WDR7: variants seen among roughly 807,000 people sequenced by gnomAD.
The protein encoded by WDR7 is WD repeat domain 7.
WDR7 carries 46 observed loss-of-function variants against 169.4 expected under a neutral mutation model. The observed-to-expected ratio is 0.27, with a 90% CI of 0.21 to 0.35. The LOEUF (loss-of-function observed/expected upper bound fraction) is 0.35, where lower values mean the gene tolerates loss of function less well. Ranked by LOEUF, WDR7 falls within the 10% of genes least tolerant of loss-of-function variation. WDR7 has a pLI of 1.00. For missense variants in WDR7, 1,534 were observed against 1,859.3 expected, an observed-to-expected ratio of 0.83 and a Z score of 3.22; for synonymous variants, 612 against 666.8, an observed-to-expected ratio of 0.92 and a Z score of 1.27.
At chr18:56,729,481 A>G (rs936135632) in intron 13 of WDR7, among the ~76,000 whole-genome samples, 1 of 152,050 alleles carries the variant, frequency 6.6e-6, no homozygotes, top group Non-Finnish European at 1.5e-5. Context: ...ACTTTATACT[A>G]TGAATACTCT....
chr18:56,781,071 T>A (rs1014099618), intron 18 of WDR7, among the ~76,000 whole-genome samples: 4 of 152,234 alleles, frequency 2.6e-5, no homozygotes, highest in Non-Finnish European at 5.9e-5. Context: ...CGTATTTGTT[T>A]GTATAAATAG....
chr18:56,790,159 C>T (rs1373790843), intron 19 of WDR7, among the ~76,000 whole-genome samples: 1 of 152,172 alleles, frequency 6.6e-6, no homozygotes, highest in Non-Finnish European at 1.5e-5. Flanking sequence ...ACAAGTGTCT[C>T]GTAAGCTTTT....
intron 20 of WDR7, among the ~76,000 whole-genome samples, chr18:56,848,446 C>A (rs949037826): frequency 1.3e-5 from 2 of 152,014 alleles, no homozygotes; most frequent in Non-Finnish European, 2.9e-5. Context: ...AATGCTGGAA[C>A]GAGTTAAGAC....
At chr18:56,906,644 A>G (rs749443485) in intron 21 of WDR7, among the ~76,000 whole-genome samples, 1 of 151,400 alleles carries the variant, frequency 6.6e-6, no homozygotes, top group Non-Finnish European at 1.5e-5. Flanking sequence ...GCCAGCTTCA[A>G]GTGATTCTTC....
intron 25 of WDR7, among the ~76,000 whole-genome samples, chr18:56,957,691 C>T (rs141723250): frequency 6.6e-6 from 1 of 152,160 alleles, no homozygotes; most frequent in Non-Finnish European, 1.5e-5. Flanking sequence ...ATGTTAGCTG[C>T]ACATAGTAGT....
chr18:56,676,122 T>C (rs951200452), intron 2 of WDR7, among the ~76,000 whole-genome samples: 1 of 152,244 alleles, frequency 6.6e-6, no homozygotes, highest in African/African-American at 2.4e-5. Context: ...CATTATTATA[T>C]AGTGACTTTC....
chr18:56,999,054 A>T (rs1411122936), intron 26 of WDR7, among the ~76,000 whole-genome samples: 1 of 152,208 alleles, frequency 6.6e-6, no homozygotes, highest in Non-Finnish European at 1.5e-5. Context: ...GTCCTGCAGG[A>T]AGAAGTCAGA....
intron 2 of WDR7, among the ~76,000 whole-genome samples, chr18:56,678,639 G>A (rs1209941910): frequency 2.6e-5 from 4 of 152,122 alleles, no homozygotes; most frequent in Non-Finnish European, 5.9e-5. Context: ...TGGAATTACA[G>A]GTGCGCGCCA....
At chr18:56,807,804 ATTT>A (rs1444326560) in intron 19 of WDR7, among the ~76,000 whole-genome samples, 1 of 152,082 alleles carries the variant, frequency 6.6e-6, no homozygotes, top group Non-Finnish European at 1.5e-5. Flanking sequence ...TTTAAATTAT[ATTT>A]TTATTTCTCT....
At chr18:56,942,451 G>T (rs1376389161) in intron 25 of WDR7, among the ~76,000 whole-genome samples, 1 of 152,134 alleles carries the variant, frequency 6.6e-6, no homozygotes, top group Non-Finnish European at 1.5e-5. Flanking sequence ...TTATGCAGCT[G>T]TGCCTACAAA....
chr18:56,778,691 CT>C (rs2044274585), intron 17 of WDR7, among the ~76,000 whole-genome samples: 1 of 152,034 alleles, frequency 6.6e-6, no homozygotes, highest in Non-Finnish European at 1.5e-5. Context: ...CAGTGTTTGT[CT>C]TTTTTTCCTA....
intron 16 of WDR7, among the ~76,000 whole-genome samples, chr18:56,768,800 A>G (rs1209172600): frequency 6.6e-6 from 1 of 152,214 alleles, no homozygotes; most frequent in African/African-American, 2.4e-5. Context: ...TCTTTTCAAT[A>G]AGCTGTCACT....
chr18:56,854,995 A>C (rs1021443511), intron 20 of WDR7, among the ~76,000 whole-genome samples: 4 of 152,184 alleles, frequency 2.6e-5, no homozygotes, highest in African/African-American at 9.7e-5. Context: ...CAGGACTGGA[A>C]TTGCTGTGTC....
intron 25 of WDR7, among the ~76,000 whole-genome samples, chr18:56,960,847 C>T (rs1312138481): frequency 2.0e-5 from 3 of 151,996 alleles, no homozygotes; most frequent in Non-Finnish European, 4.4e-5. Context: ...GCCAGGGAAG[C>T]TTCATATGTT....
intron 19 of WDR7, among the ~76,000 whole-genome samples, chr18:56,803,097 T>C (rs1405346083): frequency 6.6e-6 from 1 of 152,198 alleles, no homozygotes; most frequent in Non-Finnish European, 1.5e-5. Flanking sequence ...CTCATTACTG[T>C]CCATATATAA....
chr18:56,810,592 T>C (rs1463480887), intron 19 of WDR7, among the ~76,000 whole-genome samples: 1 of 152,138 alleles, frequency 6.6e-6, no homozygotes, highest in African/African-American at 2.4e-5. Context: ...AAATTATGCC[T>C]TTCTGAAACA....
intron 20 of WDR7, among the ~76,000 whole-genome samples, chr18:56,821,978 G>A (rs2045106383): frequency 6.6e-6 from 1 of 152,108 alleles, no homozygotes; most frequent in East Asian, 1.9e-4. Flanking sequence ...CAGACTGGGT[G>A]ACAGAACAAG....
intron 1 of WDR7, among the ~76,000 whole-genome samples, chr18:56,665,526 G>A (rs1430478869): frequency 1.3e-5 from 2 of 152,036 alleles, no homozygotes; most frequent in Non-Finnish European, 2.9e-5. Flanking sequence ...TATCATTTCA[G>A]AATTATTCAA....
intron 1 of WDR7, chr18:56,651,826 T>A (rs776712236): frequency 1.3e-5 from 2 of 152,358 alleles, no homozygotes; most frequent in African/African-American, 2.4e-5. Context: ...CTTGTGACAG[T>A]TGCTTTGGTC....
Sources: allele counts gnomAD v4.1 joint callset (sites outside exome capture counted in the v4.1 genomes callset), GRCh38; gene constraint gnomAD v4.1.1; transcripts MANE v1.5; gene names NCBI Gene and HGNC (gene_info 2026-07-23, HGNC 2026-07-21).